HUWE1: variants seen among roughly 807,000 people sequenced by gnomAD.
HUWE1 encodes E3 ubiquitin-protein ligase HUWE1.
HUWE1 carries 18 observed loss-of-function variants against 299.4 expected under a neutral mutation model. The ratio of observed to expected loss-of-function variants is 0.06; its 90% CI spans 0.04 to 0.09. HUWE1 has a LOEUF of 0.09. Among genes scored for constraint, HUWE1 ranks in the 10% least tolerant of loss-of-function variants. HUWE1 has a pLI of 1.00. For missense variants in HUWE1, 1,832 were observed against 3,462.3 expected, an observed-to-expected ratio of 0.53 and a Z score of 11.82; for synonymous variants, 1,317 against 1,286.1, an observed-to-expected ratio of 1.02 and a Z score of -0.51.
chrX:53,637,585 T>C (rs1557027372), intron 7 of HUWE1, among the ~76,000 whole-genome samples: 2 of 112,564 alleles, frequency 1.8e-5, no homozygotes, highest in African/African-American at 6.5e-5. Flanking sequence ...ACAAAATCCT[T>C]CTTGCCAACT....
At position 53,629,463 on chromosome X, in the gene HUWE1, C is replaced by T. The variant is rs782651373; in HGVS notation, c.963+53G>A. On this transcript the variant is annotated intron_variant, in intron 13 of 83. Transcript: ENST00000262854. ...CCAAAAAAGTCTCAAATCCAAAATA[C>T]TTCTGGTCCCAAGTGTTACAGCTAA... 1.7e-3 allele frequency: 1,343 copies of T among 801,194 alleles called. 3 individuals carry two copies. Among genetic ancestry groups the T allele is most frequent in the Non-Finnish European group, 2.4e-3 (1,269 of 527,013 alleles). The allele number at this position is 801,194 out of a possible 1,213,427, so 66.0% of individuals were successfully genotyped here. A position where few individuals can be genotyped will look rare whatever the true frequency, so the allele number is the denominator to read the frequency against.
chrX:53,578,764 A>AG (rs1402614423), intron 43 of HUWE1, among the ~76,000 whole-genome samples: 9 of 47,092 alleles, frequency 1.9e-4, no homozygotes, highest in Admixed American at 5.1e-4. Context: ...GGAAGTGAGG[A>AG]CCCCTCTGCC....
At chrX:53,597,917 C>A (rs1168979781) in intron 29 of HUWE1, among the ~76,000 whole-genome samples, 2 of 111,331 alleles carry the variant, frequency 1.8e-5, no homozygotes, top group Non-Finnish European at 3.8e-5. Context: ...AGCCATCAAG[C>A]CTGAAATAAA....
At chrX:53,616,943 A>G in intron 21 of HUWE1, 27 bp downstream of exon 21, 7 of 1,156,079 alleles carry the variant, frequency 6.1e-6, no homozygotes, top group Non-Finnish European at 3.5e-6. Context: ...TCAATTTTCT[A>G]CTATAAAATA....
chrX:53,664,198 A>T (rs1258991090), intron 3 of HUWE1, among the ~76,000 whole-genome samples: 2 of 110,595 alleles, frequency 1.8e-5, no homozygotes, highest in Non-Finnish European at 3.8e-5. Context: ...CCACAGGCAC[A>T]CTCTACCACG....
intron 63 of HUWE1, 43 bp downstream of exon 63, chrX:53,552,268 G>A (rs1556929744): frequency 2.5e-6 from 3 of 1,204,887 alleles, no homozygotes; most frequent in Non-Finnish European, 3.4e-6. Context: ...GCTACTAGAA[G>A]CCAAAACAAT....
At chrX:53,661,034 CTT>C (rs200048431) in intron 3 of HUWE1, among the ~76,000 whole-genome samples, 15 of 96,849 alleles carry the variant, frequency 1.5e-4, no homozygotes, top group African/African-American at 3.0e-4. Context: ...ATGCGATTCA[CTT>C]TTTTTTTTTT....
At chrX:53,643,496 CCCA>C (rs2067757043) in intron 7 of HUWE1, among the ~76,000 whole-genome samples, 2 of 110,946 alleles carry the variant, frequency 1.8e-5, no homozygotes, top group Admixed American at 9.6e-5. Context: ...ATTACAAGTG[CCCA>C]CCACCACGTC....
rs782179345 is a variant in HUWE1 at position 53,614,726 on chromosome X, T to C, written c.2069A>G (p.Asn690Ser). 7 of 1,199,340 alleles carry C rather than the reference T, an allele frequency of 5.8e-6. No homozygotes were observed. The highest frequency in any genetic ancestry group is 7.9e-6 in the Non-Finnish European group (7 of 884,696). Reference sequence around the variant, plus strand: ...GATGTATTTGGGGTCCCTTCCAAGATTACAGATTTCTTCAAGTAACTGAAA... The same window carrying C: ...GATGTATTTGGGGTCCCTTCCAAGACTACAGATTTCTTCAAGTAACTGAAA... ...AIIKLLEEICNLGRDPKYICQ... is the reference protein window; with the variant it reads ...AIIKLLEEICSLGRDPKYICQ... Residue 690 changes from asparagine (N) to serine (S), a missense_variant, in exon 23 of 84, where the codon AAT becomes AGT. Asn to Ser is a conservative substitution (Grantham distance 46). Coordinates refer to ENST00000262854, the MANE Select transcript of HUWE1 (RefSeq NM_031407.7).
intron 46 of HUWE1, 124 bp from the exon 47 acceptor site, chrX:53,574,088 G>A (rs1207507596): frequency 1.4e-5 from 8 of 562,344 alleles, no homozygotes; most frequent in East Asian, 3.4e-5. Flanking sequence ...GAATGCTCTC[G>A]TGACACTGCA....
At chrX:53,600,869 G>A (rs993690365) in intron 28 of HUWE1, among the ~76,000 whole-genome samples, 4 of 112,390 alleles carry the variant, frequency 3.6e-5, no homozygotes, top group Non-Finnish European at 5.6e-5. Context: ...AAGCTGAGTC[G>A]TTTTTGTTAA....
chrX:53,600,397 G>A, intron 28 of HUWE1, 88 bp from the exon 29 acceptor site: 1 of 709,790 alleles, frequency 1.4e-6, no homozygotes, highest in Non-Finnish European at 2.1e-6. Context: ...ATTACCTATG[G>A]TTTTTGTTAC....
chrX:53,549,721 G>C (rs1263132865), intron 66 of HUWE1, among the ~76,000 whole-genome samples: 1 of 110,166 alleles, frequency 9.1e-6, no homozygotes, highest in Non-Finnish European at 1.9e-5. Flanking sequence ...TTTCAGGGCT[G>C]CTGTACAGCT....
Position 53,568,807 on chromosome X carries a change from T to C in HUWE1, c.6592A>G (p.Ser2198Gly). 8.3e-7 allele frequency: 1 copy of C among 1,209,475 alleles called. No individual in the cohort carries two copies. Among genetic ancestry groups the C allele is most frequent in the Non-Finnish European group, 1.1e-6 (1 of 894,085 alleles). ...ESCPSTSSFYSSATAKTQHNG... is the reference protein window; with the variant it reads ...ESCPSTSSFYGSATAKTQHNG... ...TGCTGGGTCTTCGCTGTGGCACTGC[T>C]GTAGAAGCTGGAGGTGGAGGGGCAG... Residue 2198 changes from serine (S) to glycine (G), a missense_variant, in exon 49 of 84, where the codon AGC (serine) becomes GGC (glycine). Ser to Gly is a moderately conservative substitution (Grantham distance 56, BLOSUM62 0). Coordinates refer to ENST00000262854, the MANE Select transcript of HUWE1 (RefSeq NM_031407.7).
chrX:53,569,107 CT>C (rs1455246315), intron 48 of HUWE1, among the ~76,000 whole-genome samples: 1 of 111,888 alleles, frequency 8.9e-6, no homozygotes, highest in African/African-American at 3.3e-5. Context: ...TCTTGGCTCA[CT>C]GCAACCTTCC....
intron 4 of HUWE1, among the ~76,000 whole-genome samples, chrX:53,651,613 GT>G (rs1256106025): frequency 2.7e-5 from 3 of 110,665 alleles, no homozygotes; most frequent in Non-Finnish European, 5.7e-5. Context: ...CTTTTTTATT[GT>G]TTTTTCCCCC....
At chrX:53,679,516 C>G (rs1428298442) in intron 3 of HUWE1, among the ~76,000 whole-genome samples, 2 of 111,684 alleles carry the variant, frequency 1.8e-5, no homozygotes, top group East Asian at 5.6e-4. Context: ...CAGGCTGGGC[C>G]TGGTGGCTCA....
intron 74 of HUWE1, among the ~76,000 whole-genome samples, chrX:53,540,978 A>T (rs2061320220): frequency 8.9e-6 from 1 of 111,876 alleles, no homozygotes; most frequent in Non-Finnish European, 1.9e-5. Context: ...CTTAGGTAAA[A>T]GAAGGTGAAT....
chrX:53,626,563 T>G (rs1412380669), intron 17 of HUWE1, among the ~76,000 whole-genome samples: 2 of 111,640 alleles, frequency 1.8e-5, no homozygotes, highest in African/African-American at 6.5e-5. Flanking sequence ...TATTTGAATA[T>G]GCATAAAAAA....
Sources: allele counts gnomAD v4.1 joint callset (sites outside exome capture counted in the v4.1 genomes callset), GRCh38; gene constraint gnomAD v4.1.1; transcripts MANE v1.5; gene names NCBI Gene and HGNC (gene_info 2026-07-23, HGNC 2026-07-21).